PHACTR1: variants seen among roughly 807,000 people sequenced by gnomAD.
PHACTR1 encodes the protein RPEL repeat containing 1.
Under a neutral mutation model 69.2 loss-of-function variants are expected in PHACTR1, and 16 were observed. The ratio of observed to expected loss-of-function variants is 0.23; its 90% CI spans 0.16 to 0.35. The LOEUF (loss-of-function observed/expected upper bound fraction) is 0.35. Among genes scored for constraint, PHACTR1 ranks in the 10% least tolerant of loss-of-function variants. PHACTR1 has a pLI of 1.00. For missense variants in PHACTR1, 510 were observed against 734.7 expected (o/e 0.69, Z 3.54); for synonymous variants, 312 against 284.5 (o/e 1.10, Z -0.97).
intron 4 of PHACTR1, among the ~76,000 whole-genome samples, chr6:12,809,159 G>A (rs1024081912): frequency 3.9e-5 from 6 of 152,112 alleles, no homozygotes; most frequent in African/African-American, 1.4e-4. Flanking sequence ...AAGTGCTGAT[G>A]TTACAGGAGT....
At chr6:12,772,327 A>G (rs1769492586) in intron 4 of PHACTR1, among the ~76,000 whole-genome samples, 1 of 152,204 alleles carries the variant, frequency 6.6e-6, no homozygotes. Context: ...AACAGCATTA[A>G]TTATGTGTGC....
At chr6:13,281,474 C>T (rs1780195974) in intron 12 of PHACTR1, 1 of 337,756 alleles carries the variant, frequency 3.0e-6, no homozygotes, top group Non-Finnish European at 6.2e-6. Flanking sequence ...GAGTTACTTG[C>T]ACCCAAGAGG....
intron 5 of PHACTR1, among the ~76,000 whole-genome samples, chr6:13,071,480 C>T (rs542204427): frequency 6.6e-6 from 1 of 152,138 alleles, no homozygotes; most frequent in East Asian, 1.9e-4. Context: ...GTATTCTGAC[C>T]TGAGTTAGGA....
chr6:12,996,683 G>C (rs1797447196), intron 4 of PHACTR1, among the ~76,000 whole-genome samples: 1 of 152,082 alleles, frequency 6.6e-6, no homozygotes, highest in African/African-American at 2.4e-5. Flanking sequence ...CAAGACAATA[G>C]AAAGAGAAGG....
intron 4 of PHACTR1, among the ~76,000 whole-genome samples, chr6:12,951,713 G>A (rs763165980): frequency 6.6e-6 from 1 of 152,208 alleles, no homozygotes; most frequent in Non-Finnish European, 1.5e-5. Flanking sequence ...TGGCCTCCTA[G>A]CACCATGGCC....
chr6:12,993,260 A>G (rs1797026768), intron 4 of PHACTR1, among the ~76,000 whole-genome samples: 1 of 152,200 alleles, frequency 6.6e-6, no homozygotes, highest in Admixed American at 6.5e-5. Flanking sequence ...CTCTTCTATC[A>G]GTATTAGCCA....
At chr6:13,051,721 C>T (rs1420551472) in intron 4 of PHACTR1, among the ~76,000 whole-genome samples, 4 of 152,204 alleles carry the variant, frequency 2.6e-5, no homozygotes, top group African/African-American at 9.6e-5. Flanking sequence ...ATTAGTTGCT[C>T]TCTCCTCTTC....
intron 3 of PHACTR1, among the ~76,000 whole-genome samples, chr6:12,729,346 A>G (rs1325489540): frequency 6.6e-6 from 1 of 152,228 alleles, no homozygotes; most frequent in Non-Finnish European, 1.5e-5. Context: ...TCTACAGTTT[A>G]TCATCGATGC....
chr6:12,976,030 C>T (rs1014194901), intron 4 of PHACTR1, among the ~76,000 whole-genome samples: 1 of 152,102 alleles, frequency 6.6e-6, no homozygotes, highest in African/African-American at 2.4e-5. Flanking sequence ...TTCCTTTTCC[C>T]CCTTCTGAAC....
chr6:13,155,324 T>C lies in PHACTR1; in HGVS notation c.416-4880T>C, dbSNP rs539336192. Among the ~76,000 whole-genome samples, 7 of 152,322 alleles carry C rather than the reference T, an allele frequency of 4.6e-5. No individual in the cohort carries two copies. The South Asian group carries it at 1.5e-3, about 32-fold the overall frequency. ...ATAAGCCCTGGGTCTGGGAGAATAA[T>C]GGCCTGGGGATCCACTATCTCATCT... On this transcript the variant is annotated intron_variant, in intron 5 of 14. Coordinates refer to ENST00000332995, the MANE Select transcript of PHACTR1 (RefSeq NM_030948.6).
intron 4 of PHACTR1, among the ~76,000 whole-genome samples, chr6:13,009,165 C>T (rs143727720): frequency 2.6e-5 from 4 of 152,286 alleles, no homozygotes; most frequent in East Asian, 3.9e-4. Context: ...TTAGAACCCA[C>T]GCAGAGAATC....
At chr6:13,195,793 TGGTAAGAAGAGA>T (rs900409038) in intron 7 of PHACTR1, among the ~76,000 whole-genome samples, 1 of 83,970 alleles carries the variant, frequency 1.2e-5, no homozygotes, top group Non-Finnish European at 2.5e-5. Context: ...TCATTTGTGG[TGGTAAGAAGAGA>T]GGTTAGAGGT....
chr6:13,190,209 T>TTTTTTTTTTTTTTTG, intron 7 of PHACTR1, among the ~76,000 whole-genome samples: 1 of 143,406 alleles, frequency 7.0e-6, no homozygotes, highest in Non-Finnish European at 1.5e-5. Context: ...TTTTTTTTTT[T>TTTTTTTTTTTTTTTG]TTTTTAGTAG....
At chr6:13,194,792 T>A (rs187760321) in intron 7 of PHACTR1, among the ~76,000 whole-genome samples, 12 of 151,958 alleles carry the variant, frequency 7.9e-5, no homozygotes, top group African/African-American at 2.7e-4. Flanking sequence ...TCTAGTAAAA[T>A]TTTTTTTTAA....
At chr6:12,935,557 T>C (rs1295716780) in intron 4 of PHACTR1, among the ~76,000 whole-genome samples, 2 of 152,184 alleles carry the variant, frequency 1.3e-5, no homozygotes, top group Admixed American at 1.3e-4. Context: ...ACTGATGTTA[T>C]AACAAAGAAG....
chr6:13,266,077 C>A (rs552170461), intron 10 of PHACTR1, among the ~76,000 whole-genome samples: 1 of 152,150 alleles, frequency 6.6e-6, no homozygotes, highest in South Asian at 2.1e-4. Flanking sequence ...GGTTTTCTTC[C>A]ACTCTTCCTT....
At chr6:13,042,696 A>G (rs1804373147) in intron 4 of PHACTR1, among the ~76,000 whole-genome samples, 1 of 152,204 alleles carries the variant, frequency 6.6e-6, no homozygotes, top group Admixed American at 6.5e-5. Flanking sequence ...ATGGTAACGA[A>G]TTTCACCCCT....
intron 4 of PHACTR1, among the ~76,000 whole-genome samples, chr6:12,979,210 G>A (rs909587156): frequency 1.3e-5 from 2 of 152,302 alleles, no homozygotes; most frequent in African/African-American, 4.8e-5. Context: ...AGGCGGAAGA[G>A]TGAATTCTGC....
At chr6:12,778,835 A>G (rs1180572898) in intron 4 of PHACTR1, among the ~76,000 whole-genome samples, 1 of 152,222 alleles carries the variant, frequency 6.6e-6, no homozygotes, top group Admixed American at 6.5e-5. Context: ...TCTGTATAGT[A>G]TATTACACGG....
Sources: allele counts gnomAD v4.1 joint callset (sites outside exome capture counted in the v4.1 genomes callset), GRCh38; gene constraint gnomAD v4.1.1; transcripts MANE v1.5; gene names NCBI Gene and HGNC (gene_info 2026-07-23, HGNC 2026-07-21).